The following PCSK5 variants were observed in gnomAD, a reference collection of about 807,000 sequenced individuals.
PCSK5 encodes prohormone convertase 5.
In PCSK5, 129 loss-of-function variants were observed where a neutral mutation model predicts 233.2. That is an observed-to-expected ratio of 0.55 (90% CI 0.48 to 0.64). The LOEUF (loss-of-function observed/expected upper bound fraction) is 0.64. Among genes scored for constraint, PCSK5 ranks in the 30% least tolerant of loss-of-function variants. PCSK5 has a pLI of 0.00. For synonymous variants in PCSK5, 825 were observed against 879.2 expected (o/e 0.94, Z 1.09); for missense variants, 2,076 against 2,430.1 (o/e 0.85, Z 3.06).
intron 1 of PCSK5, among the ~76,000 whole-genome samples, chr9:75,893,345 C>A (rs1825687892): frequency 6.6e-6 from 1 of 152,080 alleles, no homozygotes; most frequent in Admixed American, 6.5e-5. Context: ...CAGGCCCAGT[C>A]CCCCATGGAT....
intron 2 of PCSK5, among the ~76,000 whole-genome samples, chr9:75,960,105 T>C (rs1429993866): frequency 1.3e-5 from 2 of 152,226 alleles, no homozygotes; most frequent in East Asian, 1.9e-4. Flanking sequence ...ACTAACTGTA[T>C]GTAAGGTGAA....
intron 5 of PCSK5, among the ~76,000 whole-genome samples, chr9:76,038,458 A>G (rs1388235451): frequency 1.3e-5 from 2 of 152,226 alleles, no homozygotes; most frequent in Non-Finnish European, 2.9e-5. Flanking sequence ...ATTGAATGTC[A>G]TACTCTTTCA....
chr9:76,054,027 G>A (rs1829731741), intron 5 of PCSK5, among the ~76,000 whole-genome samples: 2 of 152,206 alleles, frequency 1.3e-5, no homozygotes, highest in South Asian at 2.1e-4. Flanking sequence ...AGAAGGTGAG[G>A]AGGAGCAAAG....
At chr9:76,086,207 C>CA (rs141566144) in intron 7 of PCSK5, among the ~76,000 whole-genome samples, 4,240 of 152,216 alleles carry the variant, frequency 0.028, 144 homozygotes, top group African/African-American at 0.077. Flanking sequence ...TTTCTTCTCC[C>CA]AAAAATGGCA....
At chr9:76,312,434 G>A (rs1817915) in intron 30 of PCSK5, among the ~76,000 whole-genome samples, 27,194 of 151,484 alleles carry the variant, frequency 0.18, 2,634 homozygotes, top group Middle Eastern at 0.31. Context: ...GTTTGAACTC[G>A]GGAGGTGGAG....
chr9:76,258,723 G>A (rs1325599607), intron 24 of PCSK5, among the ~76,000 whole-genome samples: 1 of 152,206 alleles, frequency 6.6e-6, no homozygotes, highest in Non-Finnish European at 1.5e-5. Context: ...TTCATCTTAT[G>A]TGCTCGGCAA....
At chr9:76,190,596 A>G (rs558595506) in intron 20 of PCSK5, among the ~76,000 whole-genome samples, 96 of 152,074 alleles carry the variant, frequency 6.3e-4, no homozygotes, top group African/African-American at 2.2e-3. Context: ...TGAAGATTCT[A>G]TAGTTTTTAG....
At chr9:76,124,465 G>A (rs1587658006) in intron 9 of PCSK5, among the ~76,000 whole-genome samples, 1 of 151,982 alleles carries the variant, frequency 6.6e-6, no homozygotes, top group South Asian at 2.1e-4. Context: ...TGCAAGAAGT[G>A]GCCGGGTGCA....
chr9:76,287,770 T>G (rs984533123), intron 24 of PCSK5: 2 of 186,596 alleles, frequency 1.1e-5, no homozygotes, highest in African/African-American at 4.7e-5. Context: ...GCATGTCCTC[T>G]TTTAAAGACA....
At position 76,181,698 on chromosome 9, in the gene PCSK5, A is replaced by G. The variant is rs73458384; in HGVS notation, c.2197+107A>G. The G allele has an allele frequency of 6.8e-4, 478 of 707,496 alleles. 1 individual carries two copies. Among genetic ancestry groups the G allele is most frequent in the African/African-American group, 6.5e-3 (361 of 55,696 alleles). 43.8% of individuals were successfully genotyped at this position (707,496 alleles called of 1,614,324 possible). On this transcript the variant is annotated intron_variant, in intron 16 of 37. Transcript: ENST00000674117. ...TGTGAAATCTGGAATTGTGCTTCAT[A>G]TCAAACAGGATCTAGTTCATTCATT...
At chr9:76,103,612 C>T (rs1831854321) in intron 8 of PCSK5, among the ~76,000 whole-genome samples, 1 of 152,154 alleles carries the variant, frequency 6.6e-6, no homozygotes, top group Non-Finnish European at 1.5e-5. Context: ...GCTGTCTAAA[C>T]CTGAACAGTA....
intron 20 of PCSK5, among the ~76,000 whole-genome samples, chr9:76,227,073 G>A (rs188928596): frequency 5.7e-4 from 87 of 152,244 alleles, no homozygotes; most frequent in African/African-American, 2.0e-3. Flanking sequence ...ACCCCATGGG[G>A]TGGTAAGAAA....
chr9:76,281,406 G>A (rs1400395981), intron 24 of PCSK5, among the ~76,000 whole-genome samples: 1 of 152,204 alleles, frequency 6.6e-6, no homozygotes, highest in African/African-American at 2.4e-5. Context: ...CATTCTGCCT[G>A]TGGTCCATAA....
At chr9:76,151,193 T>C (rs1367082383) in intron 10 of PCSK5, among the ~76,000 whole-genome samples, 1 of 152,044 alleles carries the variant, frequency 6.6e-6, no homozygotes, top group Non-Finnish European at 1.5e-5. Context: ...GAGCAGGTGG[T>C]TCAGCACATT....
chr9:76,280,899 A>T (rs1046087100), intron 24 of PCSK5, among the ~76,000 whole-genome samples: 6 of 133,088 alleles, frequency 4.5e-5, no homozygotes. Flanking sequence ...GCTGATATGG[A>T]GAAAGTTTTT....
At chr9:75,935,371 T>C (rs1824006339) in intron 2 of PCSK5, among the ~76,000 whole-genome samples, 1 of 152,192 alleles carries the variant, frequency 6.6e-6, no homozygotes, top group Non-Finnish European at 1.5e-5. Flanking sequence ...CCGGCCGATA[T>C]TCACATGTAT....
intron 24 of PCSK5, among the ~76,000 whole-genome samples, chr9:76,286,147 C>T (rs376327698): frequency 9.2e-5 from 14 of 152,166 alleles, no homozygotes; most frequent in African/African-American, 3.4e-4. Flanking sequence ...GTCATTTTTC[C>T]CCCCATAAAC....
chr9:75,933,498 A>G (rs1823905343), intron 2 of PCSK5, among the ~76,000 whole-genome samples: 1 of 152,230 alleles, frequency 6.6e-6, no homozygotes, highest in African/African-American at 2.4e-5. Context: ...GATATCCTCG[A>G]AAGTTATATT....
intron 1 of PCSK5, among the ~76,000 whole-genome samples, chr9:75,916,331 C>T (rs1045226826): frequency 1.3e-5 from 2 of 152,074 alleles, no homozygotes; most frequent in African/African-American, 4.8e-5. Context: ...CTGAATTTAG[C>T]GGTGCCTCAG....
Sources: gnomAD v4.1 joint callset for allele counts (sites outside exome capture counted in the v4.1 genomes callset) on GRCh38, gnomAD v4.1.1 for gene constraint, MANE v1.5 for transcripts, NCBI Gene and HGNC (gene_info 2026-07-23, HGNC 2026-07-21) for gene names.